The following RSPO3 variants were observed in gnomAD, a reference collection of about 807,000 sequenced individuals.
RSPO3 encodes the protein R-spondin 3.
RSPO3 carries 17 observed loss-of-function variants against 36.5 expected under a neutral mutation model. The ratio of observed to expected loss-of-function variants is 0.47; its 90% CI spans 0.32 to 0.70. The LOEUF (loss-of-function observed/expected upper bound fraction) is 0.70, where lower values mean the gene tolerates loss of function less well. Among genes scored for constraint, RSPO3 ranks in the 30% least tolerant of loss-of-function variants. The pLI is 0.04. For missense variants in RSPO3, 294 were observed against 322.5 expected, an observed-to-expected ratio of 0.91 and a Z score of 0.68; for synonymous variants, 108 against 107.0, an observed-to-expected ratio of 1.01 and a Z score of -0.06.
Position 127,199,380 on chromosome 6 carries a change from G to GATCATGA in RSPO3, c.*3373_*3374insATCATGA, listed in dbSNP as rs1775577581. ...ATTTCTTGATTCATGATATGTGATA[G>GATCATGA]TATTCATAAAAATGTACATGCATGA... On this transcript the variant is annotated 3_prime_UTR_variant, in exon 5 of 5. Transcript: ENST00000356698. 6.6e-6 allele frequency among the ~76,000 whole-genome samples: 1 copy of GATCATGA among 152,060 alleles called. No homozygotes were observed. The highest frequency in any genetic ancestry group is 2.1e-4 in the South Asian group (1 of 4,822).
intron 1 of RSPO3, among the ~76,000 whole-genome samples, chr6:127,127,453 C>T (rs1314130225): frequency 6.6e-6 from 1 of 152,108 alleles, no homozygotes; most frequent in Admixed American, 6.6e-5. Flanking sequence ...TATTTATGTA[C>T]ATCTTATCTA....
intron 4 of RSPO3, among the ~76,000 whole-genome samples, chr6:127,190,787 A>G (rs1021272477): frequency 2.6e-5 from 4 of 152,236 alleles, no homozygotes; most frequent in African/African-American, 9.6e-5. Flanking sequence ...ACACTTCGCA[A>G]GAAATTCACA....
At chr6:127,152,371 C>T (rs763948985) in intron 3 of RSPO3, among the ~76,000 whole-genome samples, 7 of 152,122 alleles carry the variant, frequency 4.6e-5, no homozygotes, top group Non-Finnish European at 8.8e-5. Context: ...CCTGCAGGTA[C>T]TACACCTGCC....
chr6:127,132,592 G>A (rs1440981463), intron 1 of RSPO3, among the ~76,000 whole-genome samples: 2 of 151,988 alleles, frequency 1.3e-5, no homozygotes, highest in Non-Finnish European at 2.9e-5. Context: ...CCAAAATGAA[G>A]TAACATATCT....
At chr6:127,158,349 T>C (rs2114597364) in intron 4 of RSPO3, among the ~76,000 whole-genome samples, 1 of 152,210 alleles carries the variant, frequency 6.6e-6, no homozygotes, top group Non-Finnish European at 1.5e-5. Context: ...GGTTCACAGC[T>C]TGAGCATTTC....
intron 4 of RSPO3, among the ~76,000 whole-genome samples, chr6:127,168,365 A>AT (rs35007518): frequency 6.6e-6 from 1 of 151,584 alleles, no homozygotes; most frequent in Non-Finnish European, 1.5e-5. Flanking sequence ...GATGATGAGC[A>AT]TTTTTTTCAT....
intron 2 of RSPO3, 88 bp from the exon 3 acceptor site, chr6:127,150,338 G>A: frequency 3.2e-6 from 4 of 1,261,274 alleles, no homozygotes; most frequent in Non-Finnish European, 4.4e-6. Flanking sequence ...TACTAAAGTT[G>A]TGTGTGGCTG....
chr6:127,155,187 A>G (rs1774568125), intron 3 of RSPO3, 54 bp from the exon 4 acceptor site: 1 of 1,551,204 alleles, frequency 6.4e-7, no homozygotes, highest in Non-Finnish European at 8.9e-7. Flanking sequence ...TTAACTCAAC[A>G]ATAGTGAAAG....
chr6:127,168,742 TAA>T (rs1396510266), intron 4 of RSPO3, among the ~76,000 whole-genome samples: 1 of 152,136 alleles, frequency 6.6e-6, no homozygotes, highest in Non-Finnish European at 1.5e-5. Flanking sequence ...GTCTGACATT[TAA>T]GTCTTTAATC....
At chr6:127,184,795 T>C (rs1775257854) in intron 4 of RSPO3, among the ~76,000 whole-genome samples, 1 of 151,986 alleles carries the variant, frequency 6.6e-6, no homozygotes, top group African/African-American at 2.4e-5. Flanking sequence ...TGACACTCTC[T>C]TCAGAATCAT....
rs1033043365 is a variant in RSPO3 at position 127,195,828 on chromosome 6, A to G, written c.640A>G (p.Lys214Glu). ...KKCQKGERGK[K>E]GRERKRKKPN... ...AGAGTATCCTTTCATTTCAGGAAAA[A>G]AAGGAAGGGAGAGGAAAAGAAAAAA... The change falls in exon 5 of 5, where the codon AAA becomes GAA. Residue 214 changes from lysine (K) to glutamate (E), a missense_variant. Physicochemically the swap from Lys to Glu is moderately conservative, Grantham distance 56. Transcript: ENST00000356698. 2.0e-6 allele frequency: 3 copies of G among 1,517,470 alleles called. No homozygotes were observed. Among genetic ancestry groups the G allele is most frequent in the Middle Eastern group, 1.7e-4 (1 of 5,760 alleles). The allele number at this position is 1,517,470 out of a possible 1,614,324, so 94.0% of individuals were successfully genotyped here. A position where few individuals can be genotyped will look rare whatever the true frequency, so the allele number is the denominator to read the frequency against.
intron 1 of RSPO3, among the ~76,000 whole-genome samples, chr6:127,137,932 T>C (rs1431017467): frequency 6.6e-6 from 1 of 152,232 alleles, no homozygotes; most frequent in African/African-American, 2.4e-5. Flanking sequence ...CTTTTGTCTC[T>C]CAGTATGATC....
chr6:127,124,536 A>C (rs1200384354), intron 1 of RSPO3, among the ~76,000 whole-genome samples: 1 of 150,310 alleles, frequency 6.7e-6, no homozygotes, highest in Non-Finnish European at 1.5e-5. Context: ...AATAATTTGA[A>C]AAAATGTTGC....
At chr6:127,181,017 T>C (rs917131440) in intron 4 of RSPO3, among the ~76,000 whole-genome samples, 1 of 151,850 alleles carries the variant, frequency 6.6e-6, no homozygotes, top group East Asian at 1.9e-4. Context: ...ATTTCAGATA[T>C]TTAAAATTTA....
At chr6:127,155,008 A>G (rs1239508478) in intron 3 of RSPO3, among the ~76,000 whole-genome samples, 1 of 152,164 alleles carries the variant, frequency 6.6e-6, no homozygotes, top group African/African-American at 2.4e-5. Flanking sequence ...TCTAGAGAAA[A>G]AGGAAATCCA....
chr6:127,130,343 G>T (rs1240947764), intron 1 of RSPO3, among the ~76,000 whole-genome samples: 2 of 152,098 alleles, frequency 1.3e-5, no homozygotes, highest in Non-Finnish European at 2.9e-5. Context: ...TTATGGTTCA[G>T]AATGACTTCA....
intron 4 of RSPO3, among the ~76,000 whole-genome samples, chr6:127,156,644 T>C (rs1293278723): frequency 1.3e-5 from 2 of 152,172 alleles, no homozygotes; most frequent in Non-Finnish European, 2.9e-5. Flanking sequence ...TTTTATTATA[T>C]TCTTACTTTA....
At chr6:127,130,993 C>T (rs1402442474) in intron 1 of RSPO3, among the ~76,000 whole-genome samples, 1 of 152,046 alleles carries the variant, frequency 6.6e-6, no homozygotes, top group Non-Finnish European at 1.5e-5. Context: ...TCCACAAAGA[C>T]TGAATATAAT....
intron 4 of RSPO3, among the ~76,000 whole-genome samples, chr6:127,167,158 A>T (rs1774837504): frequency 3.3e-5 from 5 of 151,888 alleles, no homozygotes; most frequent in Admixed American, 3.3e-4. Context: ...TCCGGGGTAC[A>T]TGTGCAGGAT....
Sources: gnomAD v4.1 joint callset for allele counts (sites outside exome capture counted in the v4.1 genomes callset) on GRCh38, gnomAD v4.1.1 for gene constraint, MANE v1.5 for transcripts, NCBI Gene and HGNC (gene_info 2026-07-23, HGNC 2026-07-21) for gene names.